The following FRMD6 variants were observed in gnomAD, a reference collection of about 807,000 sequenced individuals.
The protein encoded by FRMD6 is FERM domain containing 6, also known as FERM domain-containing protein 6.
FRMD6 carries 37 observed loss-of-function variants against 73.2 expected under a neutral mutation model. The ratio of observed to expected loss-of-function variants is 0.51; its 90% CI spans 0.39 to 0.66. The LOEUF (loss-of-function observed/expected upper bound fraction) is 0.66. Among genes scored for constraint, FRMD6 ranks in the 30% least tolerant of loss-of-function variants. The probability of loss-of-function intolerance (pLI) is 0.00; values close to 1 mark genes in which losing one functional copy is unlikely to be tolerated. For synonymous variants in FRMD6, 273 were observed against 282.2 expected (o/e 0.97, Z 0.33); for missense variants, 714 against 780.5 (o/e 0.91, Z 1.02).
At chr14:51,685,056 G>A (rs1393846585) in intron 1 of FRMD6, among the ~76,000 whole-genome samples, 1 of 152,170 alleles carries the variant, frequency 6.6e-6, no homozygotes, top group African/African-American at 2.4e-5. Flanking sequence ...CTCTGAATGG[G>A]AAGCATGAGA....
At chr14:51,725,718 A>T (rs904746859) in intron 12 of FRMD6, 61 bp from the exon 13 acceptor site, 1 of 1,225,028 alleles carries the variant, frequency 8.2e-7, no homozygotes, top group Non-Finnish European at 1.2e-6. Context: ...GTCAGAATAT[A>T]TGGCAAGAGG....
chr14:51,624,757 T>C (rs1046333216), intron 2 of FRMD6, among the ~76,000 whole-genome samples: 43 of 152,176 alleles, frequency 2.8e-4, no homozygotes, highest in African/African-American at 9.9e-4. Context: ...AGCGCTGAGA[T>C]AGCTAAACAC....
chr14:51,578,698 C>A (rs1888539895), intron 2 of FRMD6, among the ~76,000 whole-genome samples: 1 of 152,158 alleles, frequency 6.6e-6, no homozygotes, highest in Non-Finnish European at 1.5e-5. Context: ...ATCTGTGTAA[C>A]ATCCTGAATA....
At chr14:51,460,819 A>G in the FRMD6 span, among the ~76,000 whole-genome samples, 3 of 152,234 alleles carry the variant, frequency 2.0e-5, no homozygotes, top group Admixed American at 1.3e-4. Flanking sequence ...ATTGAGAACT[A>G]AGCATTTTAA....
chr14:51,425,127 C>T, the FRMD6 span, among the ~76,000 whole-genome samples: 2 of 152,202 alleles, frequency 1.3e-5, no homozygotes, highest in Non-Finnish European at 2.9e-5. Context: ...CCATCCTCTG[C>T]CCTCACTGGC....
At chr14:51,412,330 G>A in the FRMD6 span, among the ~76,000 whole-genome samples, 1 of 152,124 alleles carries the variant, frequency 6.6e-6, no homozygotes, top group Admixed American at 6.6e-5. Flanking sequence ...CGAGAAAAAT[G>A]ACGTGATGAA....
intron 2 of FRMD6, among the ~76,000 whole-genome samples, chr14:51,623,891 T>G (rs564212324): frequency 2.0e-5 from 3 of 152,326 alleles, no homozygotes; most frequent in African/African-American, 4.8e-5. Flanking sequence ...AGGCAAGAAC[T>G]GTGGTTTAGT....
At chr14:51,447,187 C>G in the FRMD6 span, among the ~76,000 whole-genome samples, 1 of 151,962 alleles carries the variant, frequency 6.6e-6, no homozygotes, top group Non-Finnish European at 1.5e-5. Flanking sequence ...TGCAGGGGTG[C>G]GGGGAGCAAC....
At chr14:51,417,583 C>T in the FRMD6 span, among the ~76,000 whole-genome samples, 3 of 152,334 alleles carry the variant, frequency 2.0e-5, no homozygotes, top group South Asian at 6.2e-4. Context: ...CTGCCCTTAA[C>T]ATTTTTTCCT....
intron 1 of FRMD6, among the ~76,000 whole-genome samples, chr14:51,515,600 T>C (rs1157818923): frequency 1.3e-5 from 2 of 152,236 alleles, no homozygotes; most frequent in Non-Finnish European, 2.9e-5. Flanking sequence ...TGCCCCTTGA[T>C]GATAGGTTTC....
At chr14:51,625,899 A>G (rs1891096062) in intron 2 of FRMD6, among the ~76,000 whole-genome samples, 1 of 152,220 alleles carries the variant, frequency 6.6e-6, no homozygotes, top group Non-Finnish European at 1.5e-5. Context: ...ACCACGTGTT[A>G]GGGAGTTTTA....
At chr14:51,605,678 G>A (rs1890229702) in intron 2 of FRMD6, among the ~76,000 whole-genome samples, 1 of 152,114 alleles carries the variant, frequency 6.6e-6, no homozygotes, top group South Asian at 2.1e-4. Context: ...AGACTATACA[G>A]GATTAGCTTT....
At chr14:51,436,537 C>G in the FRMD6 span, 1 of 652,664 alleles carries the variant, frequency 1.5e-6, no homozygotes, top group Non-Finnish European at 2.6e-6. Flanking sequence ...TCTTCAAAGT[C>G]CACTGAAATC....
At chr14:51,405,402 A>G in the FRMD6 span, among the ~76,000 whole-genome samples, 1 of 152,142 alleles carries the variant, frequency 6.6e-6, no homozygotes, top group African/African-American at 2.4e-5. Flanking sequence ...AACTGTGTAT[A>G]AGTGTTCCCT....
intron 2 of FRMD6, among the ~76,000 whole-genome samples, chr14:51,610,274 A>G (rs1285573970): frequency 1.3e-5 from 2 of 151,684 alleles, no homozygotes; most frequent in Middle Eastern, 3.4e-3. Context: ...ATCTTCTAGA[A>G]TATTCTTAAC....
the FRMD6 span, chr14:51,436,470 T>G: frequency 1.7e-6 from 1 of 605,844 alleles, no homozygotes; most frequent in Non-Finnish European, 2.9e-6. Flanking sequence ...TGAAAATCCT[T>G]ACTTTGGAAA....
chr14:51,503,443 G>A (rs1454642400), intron 1 of FRMD6, among the ~76,000 whole-genome samples: 2 of 151,900 alleles, frequency 1.3e-5, no homozygotes, highest in East Asian at 3.9e-4. Context: ...TTTCTATTAG[G>A]TGCCTATTCT....
chr14:51,574,986 T>A (rs1188433927), intron 2 of FRMD6, among the ~76,000 whole-genome samples: 1 of 152,082 alleles, frequency 6.6e-6, no homozygotes, highest in Admixed American at 6.5e-5. Context: ...AAAAATAAAA[T>A]AAATTTTTAA....
intron 2 of FRMD6, among the ~76,000 whole-genome samples, chr14:51,594,490 G>A (rs1243671027): frequency 6.6e-6 from 1 of 152,052 alleles, no homozygotes; most frequent in African/African-American, 2.4e-5. Context: ...CACCACGCCC[G>A]GCTAATTTTA....
Sources: allele counts gnomAD v4.1 joint callset (sites outside exome capture counted in the v4.1 genomes callset), GRCh38; gene constraint gnomAD v4.1.1; transcripts MANE v1.5; gene names NCBI Gene and HGNC (gene_info 2026-07-23, HGNC 2026-07-21).